Variants in FGF14 observed in about 807,000 individuals in gnomAD.
The protein encoded by FGF14 is fibroblast growth factor 14.
Under a neutral mutation model 25.5 loss-of-function variants are expected in FGF14, and 5 were observed. That is an observed-to-expected ratio of 0.20 (90% CI 0.10 to 0.41). The LOEUF (loss-of-function observed/expected upper bound fraction) is 0.41. FGF14 is among the 10% of genes least tolerant of loss of function. The probability of loss-of-function intolerance (pLI) is 1.00; values close to 1 mark genes in which losing one functional copy is unlikely to be tolerated. For missense variants in FGF14, 222 were observed against 320.1 expected (o/e 0.69, Z 2.34); for synonymous variants, 138 against 118.3 (o/e 1.17, Z -1.08).
intron 1 of FGF14, among the ~76,000 whole-genome samples, chr13:102,044,363 A>T (rs1192405218): frequency 6.6e-6 from 1 of 150,478 alleles, no homozygotes; most frequent in Non-Finnish European, 1.5e-5. Flanking sequence ...GCAATGATAA[A>T]AAAAAAAACT....
At chr13:102,009,152 C>T (rs1160723518) in intron 1 of FGF14, among the ~76,000 whole-genome samples, 1 of 152,106 alleles carries the variant, frequency 6.6e-6, no homozygotes, top group South Asian at 2.1e-4. Context: ...TTCATTCAGG[C>T]TTTACCATGT....
intron 1 of FGF14, among the ~76,000 whole-genome samples, chr13:102,023,776 T>C (rs1047166432): frequency 7.9e-5 from 12 of 152,044 alleles, no homozygotes; most frequent in African/African-American, 2.9e-4. Flanking sequence ...CACTGACAGG[T>C]ACAGTAAGGC....
At chr13:102,193,777 G>A (rs1265705634) in intron 1 of FGF14, among the ~76,000 whole-genome samples, 1 of 152,142 alleles carries the variant, frequency 6.6e-6, no homozygotes, top group Admixed American at 6.5e-5. Flanking sequence ...TGTGAAGAAT[G>A]GGATCTGGTT....
intron 1 of FGF14, among the ~76,000 whole-genome samples, chr13:102,308,861 G>A (rs189233091): frequency 9.1e-5 from 13 of 143,380 alleles, no homozygotes; most frequent in Non-Finnish European, 1.8e-4. Context: ...GCAGAAGATG[G>A]CAAACATCCA....
At chr13:102,164,950 CAAG>C (rs974199484) in intron 1 of FGF14, among the ~76,000 whole-genome samples, 9 of 152,020 alleles carry the variant, frequency 5.9e-5, no homozygotes, top group African/African-American at 1.7e-4. Context: ...TTAGTATTAG[CAAG>C]AAGGGAGAAT....
In FGF14 at chr13:101,803,128, CTTTTTTTTTTTT is replaced by C. The variant is rs538040504; in HGVS notation, c.408+65585_408+65596del. On this transcript the variant is annotated intron_variant, in intron 3 of 4. Transcript: ENST00000376143. ...TTAGTTAAGTGCTGTCATTTTGAAA[CTTTTTTTTTTTT>C]TTTTTTGAGACAAGGTCCTTCTCTG... Among the ~76,000 whole-genome samples, 3 of 132,966 alleles carry C rather than the reference CTTTTTTTTTTTT, an allele frequency of 2.3e-5. No homozygotes were observed. In the East Asian group the frequency reaches 6.4e-4, roughly 29 times the overall value. The allele number at this position is 132,966 out of a possible 152,430, so 87.2% of individuals were successfully genotyped here.
chr13:102,345,133 T>A (rs975027402), intron 1 of FGF14, among the ~76,000 whole-genome samples: 1 of 152,136 alleles, frequency 6.6e-6, no homozygotes, highest in Admixed American at 6.6e-5. Context: ...GTTTTCTACA[T>A]CCCTCTTCCC....
In FGF14 at chr13:102,111,182, A is replaced by T. The variant is rs192066674; in HGVS notation, c.209-235886T>A. 1.9e-3 allele frequency among the ~76,000 whole-genome samples: 287 copies of T among 151,692 alleles called. 2 individuals carry two copies. The highest frequency in any genetic ancestry group is 6.6e-3 in the African/African-American group (273 of 41,342). On this transcript the variant is annotated intron_variant, in intron 1 of 4. Transcript: ENST00000376131. ...TCCTCCACACCCCTCAGCCATCACC[A>T]CCTCTCATCTATACATGAAACGGAA... is the stretch of plus-strand genomic sequence containing the variant.
intron 1 of FGF14, among the ~76,000 whole-genome samples, chr13:101,955,303 T>C (rs555695796): frequency 2.2e-4 from 34 of 152,356 alleles, no homozygotes; most frequent in African/African-American, 7.9e-4. Flanking sequence ...TACACTGCAA[T>C]TGGGTTTAGC....
chr13:102,203,085 C>G lies in FGF14; in HGVS notation c.208+198386G>C, dbSNP rs539058937. ...CCAGCAGCATTATGAAGAGCCACAGCCACCATCATTTAAAGCACAGGGCAA... is the reference window on the plus strand; with the variant it reads ...CCAGCAGCATTATGAAGAGCCACAGGCACCATCATTTAAAGCACAGGGCAA... On this transcript the variant is annotated intron_variant, in intron 1 of 4. Coordinates refer to the FGF14 transcript ENST00000376131. Among the ~76,000 whole-genome samples the G allele has an allele frequency of 8.5e-5, 13 of 152,274 alleles. No individual in the cohort carries two copies. The South Asian group carries it at 1.0e-3, about 12-fold the overall frequency.
intron 1 of FGF14, among the ~76,000 whole-genome samples, chr13:102,327,013 C>T (rs1447107206): frequency 6.6e-6 from 1 of 152,104 alleles, no homozygotes; most frequent in African/African-American, 2.4e-5. Flanking sequence ...ATAAGATAAA[C>T]ACAGAAAAAA....
chr13:101,928,902 C>G (rs921649969), intron 1 of FGF14, among the ~76,000 whole-genome samples: 1 of 151,962 alleles, frequency 6.6e-6, no homozygotes, highest in African/African-American at 2.4e-5. Context: ...GCTATACATA[C>G]TATTATTAAA....
intron 3 of FGF14, among the ~76,000 whole-genome samples, chr13:101,846,623 A>C (rs2043475334): frequency 6.6e-6 from 1 of 152,050 alleles, no homozygotes; most frequent in South Asian, 2.1e-4. Flanking sequence ...GCCAACGTTG[A>C]TCTTAAAATT....
intron 1 of FGF14, among the ~76,000 whole-genome samples, chr13:102,307,387 C>T (rs1377806070): frequency 1.3e-5 from 2 of 152,104 alleles, no homozygotes; most frequent in Non-Finnish European, 2.9e-5. Context: ...GCCACCAAAT[C>T]TGTGGGAATT....
chr13:101,784,947 A>G (rs1285924808), intron 3 of FGF14, among the ~76,000 whole-genome samples: 1 of 152,204 alleles, frequency 6.6e-6, no homozygotes, highest in East Asian at 1.9e-4. Flanking sequence ...AAGGGGCCCC[A>G]GACATCTATT....
At chr13:102,146,786 T>C (rs2046873183) in intron 1 of FGF14, among the ~76,000 whole-genome samples, 1 of 152,134 alleles carries the variant, frequency 6.6e-6, no homozygotes, top group Non-Finnish European at 1.5e-5. Context: ...AAAATATACA[T>C]TTTTTCCAAC....
intron 1 of FGF14, among the ~76,000 whole-genome samples, chr13:102,305,372 G>A (rs1361251829): frequency 6.6e-6 from 1 of 152,124 alleles, no homozygotes; most frequent in African/African-American, 2.4e-5. Context: ...ATTTTCTGCT[G>A]TTAATGCAGT....
chr13:101,794,215 A>G (rs59469005), intron 3 of FGF14, among the ~76,000 whole-genome samples: 1 of 151,934 alleles, frequency 6.6e-6, no homozygotes, highest in East Asian at 1.9e-4. Flanking sequence ...CTTTCCTGCC[A>G]GTAACTACTG....
At chr13:101,988,774 T>G (rs1031487174) in intron 1 of FGF14, among the ~76,000 whole-genome samples, 14 of 151,536 alleles carry the variant, frequency 9.2e-5, no homozygotes, top group Admixed American at 9.2e-4. Context: ...AGTTAATGGG[T>G]GCAGCACACG....
Sources: gnomAD v4.1 joint callset for allele counts (sites outside exome capture counted in the v4.1 genomes callset) on GRCh38, gnomAD v4.1.1 for gene constraint, MANE v1.5 for transcripts, NCBI Gene and HGNC (gene_info 2026-07-23, HGNC 2026-07-21) for gene names.